BLTP3B: variants seen among roughly 807,000 people sequenced by gnomAD.
BLTP3B encodes the protein UHRF1 (ICBP90) binding protein 1-like.
At chr12:100,119,261 A>T in the BLTP3B span, among the ~76,000 whole-genome samples, 2 of 152,162 alleles carry the variant, frequency 1.3e-5, no homozygotes, top group Non-Finnish European at 2.9e-5. Context: ...TAGAAACTGA[A>T]AACTACAAAA....
At chr12:100,130,985 GAGA>G in the BLTP3B span, among the ~76,000 whole-genome samples, 7 of 57,972 alleles carry the variant, frequency 1.2e-4, no homozygotes, top group African/African-American at 2.0e-4. Flanking sequence ...GAGGGAGGGA[GAGA>G]GAGAGAGAGA....
chr12:100,093,142 T>C, the BLTP3B span, among the ~76,000 whole-genome samples: 2 of 152,258 alleles, frequency 1.3e-5, no homozygotes, highest in Non-Finnish European at 2.9e-5. Context: ...CCAGGAAAAC[T>C]ATTCTATGTT....
At chr12:100,092,129 C>A in the BLTP3B span, among the ~76,000 whole-genome samples, 1 of 152,150 alleles carries the variant, frequency 6.6e-6, no homozygotes, top group Non-Finnish European at 1.5e-5. Flanking sequence ...TCTTAATTTT[C>A]AAAATAGTCT....
At chr12:100,089,915 G>T in the BLTP3B span, among the ~76,000 whole-genome samples, 1 of 152,060 alleles carries the variant, frequency 6.6e-6, no homozygotes, top group Non-Finnish European at 1.5e-5. Flanking sequence ...CTGTTCTGGT[G>T]GTAGTAAATA....
At chr12:100,071,324 C>T in the BLTP3B span, among the ~76,000 whole-genome samples, 1 of 151,906 alleles carries the variant, frequency 6.6e-6, no homozygotes, top group African/African-American at 2.4e-5. Flanking sequence ...TGACAAAACC[C>T]TATCTCTATC....
the BLTP3B span, among the ~76,000 whole-genome samples, chr12:100,141,951 T>C: frequency 2.6e-5 from 4 of 151,520 alleles, no homozygotes; most frequent in African/African-American, 4.9e-5. Flanking sequence ...TCAGTAATAA[T>C]GATGTGGGTC....
At chr12:100,140,051 T>C in the BLTP3B span, among the ~76,000 whole-genome samples, 2 of 152,206 alleles carry the variant, frequency 1.3e-5, no homozygotes, top group Non-Finnish European at 2.9e-5. Flanking sequence ...ACTAGGTCAA[T>C]GTAGTGACAT....
chr12:100,117,227 A>T, the BLTP3B span, among the ~76,000 whole-genome samples: 1 of 152,228 alleles, frequency 6.6e-6, no homozygotes, highest in Non-Finnish European at 1.5e-5. Flanking sequence ...AATGTTCAGT[A>T]AGAAAATGGG....
At chr12:100,142,774 C>G in the BLTP3B span, 20 of 1,295,608 alleles carry the variant, frequency 1.5e-5, no homozygotes, top group Non-Finnish European at 1.9e-5. Flanking sequence ...CCCAAGGCCC[C>G]GGCCAAGGCC....
At chr12:100,053,370 C>T in the BLTP3B span, among the ~76,000 whole-genome samples, 33 of 151,816 alleles carry the variant, frequency 2.2e-4, no homozygotes, top group African/African-American at 7.3e-4. Context: ...ATCACACCAC[C>T]GCACTCCAAC....
chr12:100,141,360 A>G, the BLTP3B span, among the ~76,000 whole-genome samples: 7 of 152,012 alleles, frequency 4.6e-5, no homozygotes, highest in Non-Finnish European at 8.8e-5. Flanking sequence ...TGTAGTGTAT[A>G]CACATATATA....
the BLTP3B span, among the ~76,000 whole-genome samples, chr12:100,121,031 G>A: frequency 6.6e-6 from 1 of 152,074 alleles, no homozygotes; most frequent in Non-Finnish European, 1.5e-5. Context: ...AGGAAAAAAT[G>A]CATATTTATA....
the BLTP3B span, among the ~76,000 whole-genome samples, chr12:100,065,370 C>T: frequency 6.6e-6 from 1 of 151,920 alleles, no homozygotes; most frequent in African/African-American, 2.4e-5. Context: ...GTCTGACTGC[C>T]TGCGGGGTTG....
At chr12:100,129,772 T>C in the BLTP3B span, among the ~76,000 whole-genome samples, 4 of 151,916 alleles carry the variant, frequency 2.6e-5, no homozygotes, top group East Asian at 7.7e-4. Flanking sequence ...CAACAAAACA[T>C]GGGTGGAAAA....
chr12:100,118,247 C>T, the BLTP3B span, among the ~76,000 whole-genome samples: 1 of 151,950 alleles, frequency 6.6e-6, no homozygotes, highest in Non-Finnish European at 1.5e-5. Flanking sequence ...AAAATATTAG[C>T]CAGGTGTAGT....
At chr12:100,115,970 A>C in the BLTP3B span, among the ~76,000 whole-genome samples, 2 of 152,036 alleles carry the variant, frequency 1.3e-5, no homozygotes, top group African/African-American at 4.8e-5. Context: ...GGAGTTCAAG[A>C]CCAGCCTGGC....
the BLTP3B span, among the ~76,000 whole-genome samples, chr12:100,090,760 T>C: frequency 2.0e-5 from 3 of 152,164 alleles, no homozygotes; most frequent in Non-Finnish European, 4.4e-5. Flanking sequence ...GTTAAACTGA[T>C]ATCAAACACT....
At chr12:100,094,413 T>G in the BLTP3B span, among the ~76,000 whole-genome samples, 1 of 152,206 alleles carries the variant, frequency 6.6e-6, no homozygotes, top group Non-Finnish European at 1.5e-5. Flanking sequence ...CCCCTACTTA[T>G]AAAGATTTGT....
the BLTP3B span, among the ~76,000 whole-genome samples, chr12:100,110,278 C>T: frequency 6.6e-6 from 1 of 152,212 alleles, no homozygotes; most frequent in East Asian, 1.9e-4. Context: ...CAGATTCTAT[C>T]TGAATTCATA....
Sources: gnomAD v4.1 joint callset for allele counts (sites outside exome capture counted in the v4.1 genomes callset) on GRCh38, gnomAD v4.1.1 for gene constraint, MANE v1.5 for transcripts, NCBI Gene and HGNC (gene_info 2026-07-23, HGNC 2026-07-21) for gene names.